Variants in RNF103 observed in about 807,000 individuals in gnomAD.
RNF103 encodes ring finger protein 103.
In RNF103, 23 loss-of-function variants were observed where a neutral mutation model predicts 66.2. The observed-to-expected ratio is 0.35, with a 90% CI of 0.25 to 0.49. The LOEUF (loss-of-function observed/expected upper bound fraction) is 0.49. RNF103 is among the 20% of genes least tolerant of loss of function. The probability of loss-of-function intolerance (pLI) is 0.98; values close to 1 mark genes in which losing one functional copy is unlikely to be tolerated. For synonymous variants in RNF103, 297 were observed against 289.9 expected (o/e 1.02, Z -0.25); for missense variants, 730 against 814.7 (o/e 0.90, Z 1.27).
At chr2:86,615,359 G>T (rs1678973483) in intron 2 of RNF103, 1 of 416,810 alleles carries the variant, frequency 2.4e-6, no homozygotes, top group Admixed American at 6.4e-5. Flanking sequence ...GTCCTACATA[G>T]TTATATAATT....
intron 2 of RNF103, chr2:86,612,636 A>C (rs949139745): frequency 1.9e-5 from 3 of 160,580 alleles, no homozygotes; most frequent in Admixed American, 1.3e-4. Context: ...TGCTCTGAAA[A>C]GAAAATTTTA....
In RNF103 at chr2:86,605,005, T is replaced by C. The variant is rs1238301094; in HGVS notation, c.896A>G (p.Tyr299Cys). 1 of 1,614,078 alleles carries C rather than the reference T, an allele frequency of 6.2e-7. No homozygotes were observed. Among genetic ancestry groups the C allele is most frequent in the East Asian group, 2.2e-5 (1 of 44,850 alleles). ...TATAAATTCGCCTGTGTGGTTTCCATACCTGTAAATTCCTTCAGGAGTTCT... is the reference window on the plus strand; with the variant it reads ...TATAAATTCGCCTGTGTGGTTTCCACACCTGTAAATTCCTTCAGGAGTTCT... ...ILRTPEGIYR[Y>C]GNHTGEFISL... is the part of the protein sequence containing the mutation. Residue 299 changes from tyrosine (Y) to cysteine (C), a missense_variant, in exon 4 of 4, where the codon TAT becomes TGT. Tyr to Cys is a radical substitution (Grantham distance 194, BLOSUM62 -2). Around this residue, in one of 3 missense-constraint regions of RNF103, gnomAD observed 327 missense variants for 369.8 expected, o/e 0.88. Transcript: ENST00000237455.
At chr2:86,611,067 T>C (rs144753281) in intron 3 of RNF103, among the ~76,000 whole-genome samples, 1,650 of 151,622 alleles carry the variant, frequency 0.011, 28 homozygotes, top group African/African-American at 0.038. Flanking sequence ...TCCCAGCTAC[T>C]TGGAATGCTG....
chr2:86,619,134 T>C (rs1438764177), intron 2 of RNF103, among the ~76,000 whole-genome samples: 1 of 152,212 alleles, frequency 6.6e-6, no homozygotes, highest in Non-Finnish European at 1.5e-5. Context: ...GATGTATATG[T>C]ATTTATTTGA....
rs937484296 is a variant in RNF103, at chr2:86,623,827, G to C, written c.-941C>G. On this transcript the variant is annotated 5_prime_UTR_variant, in exon 1 of 4. Coordinates refer to ENST00000237455, the MANE Select transcript of RNF103 (RefSeq NM_005667.4). ...GACCGCGGCCGTACCCTCCACAACC[G>C]TGTATCAGCGGCGGCCGCGGCCGGA... 1.5e-5 allele frequency: 19 copies of C among 1,288,106 alleles called. No homozygotes were observed. The highest frequency in any genetic ancestry group is 2.3e-5 in the Admixed American group (1 of 43,522). The allele number at this position is 1,288,106 out of a possible 1,614,324, so 79.8% of individuals were successfully genotyped here. A position where few individuals can be genotyped will look rare whatever the true frequency, so the allele number is the denominator to read the frequency against.
chr2:86,616,962 T>C (rs1041604396), intron 2 of RNF103: 4 of 985,298 alleles, frequency 4.1e-6, no homozygotes, highest in Non-Finnish European at 4.8e-6. Context: ...TGTAATGCTA[T>C]GAAGACTGGG....
intron 3 of RNF103, among the ~76,000 whole-genome samples, chr2:86,610,919 A>G (rs1292882548): frequency 6.6e-6 from 1 of 151,964 alleles, no homozygotes; most frequent in Non-Finnish European, 1.5e-5. Context: ...TTAAGACTTA[A>G]GCTATCTCAG....
At chr2:86,609,406 A>G (rs1413004885) in intron 3 of RNF103, among the ~76,000 whole-genome samples, 2 of 129,032 alleles carry the variant, frequency 1.6e-5, no homozygotes, top group African/African-American at 7.7e-5. Flanking sequence ...TTTTTTTGAG[A>G]CAGAGTCTCG....
At position 86,623,843 on chromosome 2, in the gene RNF103, C is replaced by A. The variant is rs1042374713; in HGVS notation, c.-957G>T. The A allele has an allele frequency of 7.8e-7, 1 of 1,287,920 alleles. No homozygotes were observed. The allele number at this position is 1,287,920 out of a possible 1,614,324, so 79.8% of individuals were successfully genotyped here. ...TCCACAACCGTGTATCAGCGGCGGC[C>A]GCGGCCGGAGCCGAGACATAACAAC... On this transcript the variant is annotated 5_prime_UTR_variant, in exon 1 of 4. Coordinates refer to ENST00000237455, the MANE Select transcript of RNF103 (RefSeq NM_005667.4).
At chr2:86,617,626 A>G in intron 2 of RNF103, 1 of 978,262 alleles carries the variant, frequency 1.0e-6, no homozygotes, top group Non-Finnish European at 1.2e-6. Flanking sequence ...AGGGGGGACT[A>G]CTGTAAACAG....
chr2:86,611,661 A>C (rs1678799643), intron 3 of RNF103, among the ~76,000 whole-genome samples: 1 of 152,210 alleles, frequency 6.6e-6, no homozygotes, highest in Non-Finnish European at 1.5e-5. Flanking sequence ...GGATACATGG[A>C]TGATTAAAGA....
At chr2:86,618,056 A>G (rs1317467119) in intron 2 of RNF103, 25 of 449,614 alleles carry the variant, frequency 5.6e-5, no homozygotes, top group Non-Finnish European at 3.2e-5. Context: ...ATTTCCATAC[A>G]TAGAAAAACC....
intron 2 of RNF103, among the ~76,000 whole-genome samples, chr2:86,619,749 T>C (rs1250923524): frequency 1.3e-5 from 2 of 152,218 alleles, no homozygotes; most frequent in Non-Finnish European, 2.9e-5. Flanking sequence ...ATCATAGCTC[T>C]AAAATTCTAA....
At chr2:86,612,122 C>A in intron 3 of RNF103, 37 bp downstream of exon 3, 2 of 1,354,534 alleles carry the variant, frequency 1.5e-6, no homozygotes, top group South Asian at 2.5e-5. Flanking sequence ...AGATCCTGGT[C>A]AGGACTCAAA....
At chr2:86,617,745 T>C in intron 2 of RNF103, 13 of 1,012,804 alleles carry the variant, frequency 1.3e-5, no homozygotes, top group South Asian at 3.9e-5. Context: ...GGAGACAATA[T>C]TTCTCTTCTG....
At chr2:86,619,547 T>TATCAA (rs2104260916) in intron 2 of RNF103, among the ~76,000 whole-genome samples, 1 of 152,360 alleles carries the variant, frequency 6.6e-6, no homozygotes. Flanking sequence ...ACATTCACGC[T>TATCAA]GTTAATTTAC....
rs1365674023 is a variant in RNF103, at chr2:86,623,360, G to A, written c.-474C>T. On this transcript the variant is annotated 5_prime_UTR_variant, in exon 1 of 4. Transcript: ENST00000237455. The stretch of plus-strand genomic sequence containing the variant: ...GCGGGGATCCGGGCGGCAGGCCGGG[G>A]CCCGAGGGGCCGTGGGGGCCGGACT... 5.1e-6 allele frequency: 5 copies of A among 982,566 alleles called. No individual in the cohort carries two copies. The South Asian group carries it at 1.4e-4, about 28-fold the overall frequency. The allele number at this position is 982,566 out of a possible 1,614,324, so 60.9% of individuals were successfully genotyped here. A position where few individuals can be genotyped will look rare whatever the true frequency, so the allele number is the denominator to read the frequency against.
chr2:86,606,103 C>G (rs999204203), intron 3 of RNF103, among the ~76,000 whole-genome samples: 1 of 152,118 alleles, frequency 6.6e-6, no homozygotes, highest in Non-Finnish European at 1.5e-5. Context: ...CTTATTTCTT[C>G]AGTGAAGATC....
chr2:86,622,681 C>T lies in RNF103; in HGVS notation c.206G>A (p.Arg69Gln), dbSNP rs1183164654. 2 of 1,613,990 alleles carry T rather than the reference C, an allele frequency of 1.2e-6. No homozygotes were observed. Among genetic ancestry groups the T allele is most frequent in the Admixed American group, 1.7e-5 (1 of 60,004 alleles). The change falls in exon 1 of 4, where the codon CGG (arginine) becomes CAG (glutamine). Residue 69 changes from arginine to glutamine, a missense_variant. Transcript: ENST00000237455. The part of the protein sequence containing the change: ...YSGLPEKKDV[R>Q]ELVEKSGDLM... Reference sequence around the variant, plus strand: ...CTCGCCTGACTTTTCCACCAGCTCCCGGACATCCTTCTTCTCGGGCAACCC... The same window carrying T: ...CTCGCCTGACTTTTCCACCAGCTCCTGGACATCCTTCTTCTCGGGCAACCC...
Sources: gnomAD v4.1 joint callset for allele counts (sites outside exome capture counted in the v4.1 genomes callset) on GRCh38, gnomAD v4.1.1 for gene constraint, gnomAD v4.1.1 regional missense constraint, MANE v1.5 for transcripts, NCBI Gene and HGNC (gene_info 2026-07-23, HGNC 2026-07-21) for gene names.